BRD4: variants seen among roughly 807,000 people sequenced by gnomAD.
The protein encoded by BRD4 is bromodomain-containing protein 4.
Under a neutral mutation model 142.1 loss-of-function variants are expected in BRD4, and 16 were observed. The ratio of observed to expected loss-of-function variants is 0.11; its 90% CI spans 0.08 to 0.17. The LOEUF is 0.17. BRD4 is among the 10% of genes least tolerant of loss of function. The pLI is 1.00. For missense variants in BRD4, 1,424 were observed against 1,810.9 expected, an observed-to-expected ratio of 0.79 and a Z score of 3.88; for synonymous variants, 833 against 707.5, an observed-to-expected ratio of 1.18 and a Z score of -2.82.
intron 4 of BRD4, 113 bp from the exon 5 acceptor site, chr19:15,265,756 G>T: frequency 8.6e-7 from 1 of 1,169,260 alleles, no homozygotes. Flanking sequence ...TGTTGCATTT[G>T]CCTGAGAGAC....
At chr19:15,323,061 C>T (rs1042494182) in intron 1 of BRD4, among the ~76,000 whole-genome samples, 2 of 147,114 alleles carry the variant, frequency 1.4e-5, no homozygotes, top group African/African-American at 5.0e-5. Context: ...AACAAACAAA[C>T]AAACAAAAAT....
Position 15,243,120 on chromosome 19 carries a change from C to A in BRD4, c.2949G>T (p.Gln983His), listed in dbSNP as rs2145510916. The A allele has an allele frequency of 2.2e-6, 1 of 452,382 alleles. No individual in the cohort carries two copies. The allele number at this position is 452,382 out of a possible 1,614,324, so 28.0% of individuals were successfully genotyped here. ...GCTGATGCTGCTGCTGGGGTGGAGG[C>A]TGGGGCTGGGGTGGTGGGGGTGGTG... The part of the protein sequence containing the change: ...QPPPPPPPQP[Q>H]PPPQQQHQPP... Residue 983 changes from glutamine to histidine, a missense_variant, in exon 14 of 20, where the codon CAG (glutamine) becomes CAT (histidine). By Grantham distance (24) the Gln-to-His change is conservative (BLOSUM62 0). Coordinates refer to ENST00000679869, the MANE Select transcript of BRD4 (RefSeq NM_001379291.1).
chr19:15,267,345 C>T (rs1245001667), intron 4 of BRD4, 71 bp downstream of exon 4: 5 of 1,570,184 alleles, frequency 3.2e-6, no homozygotes, highest in Non-Finnish European at 4.3e-6. Context: ...CACTCCCAGC[C>T]CCCCACCAAA....
chr19:15,308,359 C>T (rs894326662), intron 1 of BRD4, among the ~76,000 whole-genome samples: 24 of 150,982 alleles, frequency 1.6e-4, no homozygotes, highest in Non-Finnish European at 2.8e-4. Context: ...GAGGCCCAGG[C>T]GGGTGAATTA....
At chr19:15,301,290 C>A (rs760118669) in intron 1 of BRD4, among the ~76,000 whole-genome samples, 1 of 152,214 alleles carries the variant, frequency 6.6e-6, no homozygotes, top group Non-Finnish European at 1.5e-5. Context: ...GAGCCGGACA[C>A]GGTGGCTCAC....
In BRD4 at chr19:15,253,844, T is replaced by C. The variant is rs1434207105; in HGVS notation, c.2158+308A>G. 2.1e-6 allele frequency: 3 copies of C among 1,404,710 alleles called. No individual in the cohort carries two copies. In the South Asian group the frequency reaches 3.9e-5, roughly 18 times the overall value. The allele number at this position is 1,404,710 out of a possible 1,614,324, so 87.0% of individuals were successfully genotyped here. On this transcript the variant is annotated intron_variant, in intron 11 of 19. Transcript: ENST00000679869. ...TGGACCCCCACGCCCACAGTCCTCA[T>C]GGCCCAGCTTCCCCGCCCACCATCC...
intron 1 of BRD4, among the ~76,000 whole-genome samples, chr19:15,303,248 A>G (rs2047886671): frequency 6.6e-6 from 1 of 152,238 alleles, no homozygotes; most frequent in East Asian, 1.9e-4. Context: ...GTGTTTATGT[A>G]CAGACAGTTA....
rs1325678533 is a variant in BRD4, at chr19:15,238,160, G to C, written c.*217C>G. 1 of 663,348 alleles carries C rather than the reference G, an allele frequency of 1.5e-6. No individual in the cohort carries two copies. The highest frequency in any genetic ancestry group is 1.8e-5 in the African/African-American group (1 of 54,872). The allele number at this position is 663,348 out of a possible 1,614,324, so 41.1% of individuals were successfully genotyped here. ...CGTGTGCTGAGCGGACGTCCTGTGA[G>C]GGGTGGTGGGTGGCGGGACGTCTGT... On this transcript the variant is annotated 3_prime_UTR_variant, in exon 20 of 20. Transcript: ENST00000679869. The surrounding 1 kb of genome is among the most constrained non-coding windows in gnomAD (Gnocchi z 7.2).
At position 15,244,216 on chromosome 19, in the gene BRD4, C is replaced by A; in HGVS notation, c.2581+15G>T. 1 of 1,547,402 alleles carries A rather than the reference C, an allele frequency of 6.5e-7. No homozygotes were observed. Among genetic ancestry groups the A allele is most frequent in the Non-Finnish European group, 8.7e-7 (1 of 1,149,812 alleles). On this transcript the variant is annotated intron_variant, in intron 13 of 19. Coordinates refer to ENST00000679869, the MANE Select transcript of BRD4 (RefSeq NM_001379291.1). Reference sequence around the variant, plus strand: ...GAAGGGGTCTCAACCCACACTGGGGCAGGCCACGGCTCACCTGGAGGAGAG... The same window carrying A: ...GAAGGGGTCTCAACCCACACTGGGGAAGGCCACGGCTCACCTGGAGGAGAG...
chr19:15,238,610 AG>A lies in BRD4; in HGVS notation c.4020+132del, dbSNP rs1340516046. On this transcript the variant is annotated intron_variant, in intron 19 of 19. Coordinates refer to ENST00000679869, the MANE Select transcript of BRD4 (RefSeq NM_001379291.1). This position sits in a 1 kb window ranked among gnomAD's most constrained non-coding sequence, Gnocchi z 7.2. ...CACTCAGGGCCCTACAGCTGAGTCC[AG>A]AGGACCACATGCCGACCAGCAGGGA... is the stretch of plus-strand genomic sequence containing the variant. The A allele has an allele frequency of 1.2e-5, 18 of 1,467,288 alleles. No homozygotes were observed. The African/African-American group carries it at 2.3e-4, about 19-fold the overall frequency. 90.9% of individuals were successfully genotyped at this position (1,467,288 alleles called of 1,614,324 possible). A position where few individuals can be genotyped will look rare whatever the true frequency, so the allele number is the denominator to read the frequency against.
chr19:15,273,820 T>C (rs530637044), intron 1 of BRD4, among the ~76,000 whole-genome samples: 32 of 140,988 alleles, frequency 2.3e-4, no homozygotes, highest in Admixed American at 8.2e-4. Context: ...CATTTTCTTT[T>C]TTTTTTTTTT....
intron 1 of BRD4, among the ~76,000 whole-genome samples, chr19:15,320,969 C>T (rs1599528241): frequency 6.6e-6 from 1 of 152,358 alleles, no homozygotes; most frequent in East Asian, 1.9e-4. Context: ...CATAGTGGCT[C>T]ACGCCTGTAA....
chr19:15,326,474 C>A (rs1309835878), intron 1 of BRD4, among the ~76,000 whole-genome samples: 1 of 151,504 alleles, frequency 6.6e-6, no homozygotes, highest in Non-Finnish European at 1.5e-5. Flanking sequence ...CAAAACTCTG[C>A]CTCAAAATAA....
chr19:15,245,895 T>G (rs1190772235), intron 11 of BRD4, among the ~76,000 whole-genome samples: 1 of 152,194 alleles, frequency 6.6e-6, no homozygotes, highest in Non-Finnish European at 1.5e-5. Context: ...TTTGCCCAAA[T>G]CCAGGCTCCT....
At chr19:15,290,971 T>TA (rs1258997289) in intron 1 of BRD4, among the ~76,000 whole-genome samples, 1 of 151,982 alleles carries the variant, frequency 6.6e-6, no homozygotes, top group African/African-American at 2.4e-5. Context: ...GCATATGGTA[T>TA]TTTTTTTACT....
intron 11 of BRD4, chr19:15,249,344 T>G: frequency 6.2e-7 from 1 of 1,613,568 alleles, no homozygotes; most frequent in Non-Finnish European, 8.5e-7. Flanking sequence ...GAATGTACCA[T>G]TTAAGTCACA....
intron 1 of BRD4, among the ~76,000 whole-genome samples, chr19:15,291,914 C>CA (rs1290564493): frequency 6.6e-6 from 1 of 152,160 alleles, no homozygotes. Context: ...AACGAAGGTT[C>CA]AGTCATCCTT....
chr19:15,241,805 CTTTTTTT>C (rs906788611), intron 14 of BRD4, among the ~76,000 whole-genome samples: 12 of 104,304 alleles, frequency 1.2e-4, no homozygotes, highest in East Asian at 2.8e-4. Context: ...TGGCACCTGA[CTTTTTTT>C]TTTTTTTTTT....
chr19:15,323,710 T>A (rs923896560), intron 1 of BRD4, among the ~76,000 whole-genome samples: 1 of 152,144 alleles, frequency 6.6e-6, no homozygotes, highest in African/African-American at 2.4e-5. Context: ...TGGCTGACAA[T>A]GTACCAGTGT....
Sources: allele counts gnomAD v4.1 joint callset (sites outside exome capture counted in the v4.1 genomes callset), GRCh38; gene constraint gnomAD v4.1.1; non-coding constraint Gnocchi (gnomAD v3.1); transcripts MANE v1.5; gene names NCBI Gene and HGNC (gene_info 2026-07-23, HGNC 2026-07-21).